The following CCDC178 variants were observed in gnomAD, a reference collection of about 807,000 sequenced individuals.
The protein encoded by CCDC178 is coiled-coil domain-containing protein 178.
CCDC178 carries 126 observed loss-of-function variants against 117.4 expected under a neutral mutation model. The observed-to-expected ratio is 1.07, with a 90% CI of 0.93 to 1.24. The LOEUF is 1.24. Among genes scored for constraint, CCDC178 ranks in the 50% most tolerant of loss-of-function variants. The probability of loss-of-function intolerance (pLI) is 0.00; values close to 1 mark genes in which losing one functional copy is unlikely to be tolerated. For missense variants in CCDC178, 1,030 were observed against 986.9 expected (o/e 1.04, Z -0.59); for synonymous variants, 283 against 313.4 (o/e 0.90, Z 1.02).
chr18:33,063,344 T>C (rs1415592348), intron 21 of CCDC178, among the ~76,000 whole-genome samples: 1 of 152,074 alleles, frequency 6.6e-6, no homozygotes, highest in Non-Finnish European at 1.5e-5. Context: ...ATGCATACCT[T>C]CCAGGGGACT....
intron 18 of CCDC178, among the ~76,000 whole-genome samples, chr18:33,216,021 A>G (rs1039811944): frequency 1.3e-5 from 2 of 151,926 alleles, no homozygotes; most frequent in African/African-American, 4.8e-5. Context: ...TCACTTTAGT[A>G]TAGGAGGTCA....
chr18:33,263,001 G>C (rs1282421686), intron 14 of CCDC178, among the ~76,000 whole-genome samples: 1 of 151,988 alleles, frequency 6.6e-6, no homozygotes, highest in Non-Finnish European at 1.5e-5. Flanking sequence ...TTTCTTCCTT[G>C]GAAACACACA....
intron 11 of CCDC178, among the ~76,000 whole-genome samples, chr18:33,311,469 C>T (rs1181115121): frequency 6.6e-6 from 1 of 152,206 alleles, no homozygotes; most frequent in Non-Finnish European, 1.5e-5. Flanking sequence ...CTGGATAACT[C>T]ACAGGATACC....
intron 22 of CCDC178, among the ~76,000 whole-genome samples, chr18:32,939,706 A>C (rs1157805013): frequency 6.6e-6 from 1 of 152,152 alleles, no homozygotes; most frequent in East Asian, 1.9e-4. Flanking sequence ...TTATTTTGTG[A>C]TCAGCACTAA....
At chr18:33,055,224 G>A (rs182806574) in intron 21 of CCDC178, among the ~76,000 whole-genome samples, 4 of 152,084 alleles carry the variant, frequency 2.6e-5, no homozygotes, top group South Asian at 2.1e-4. Context: ...CAGGTTGTCT[G>A]TTCACTCTGA....
At chr18:33,051,291 ACT>A (rs773763214) in intron 21 of CCDC178, among the ~76,000 whole-genome samples, 6 of 152,108 alleles carry the variant, frequency 3.9e-5, no homozygotes, top group Non-Finnish European at 8.8e-5. Context: ...AAGTATCAAC[ACT>A]AGATAAAAAT....
intron 21 of CCDC178, among the ~76,000 whole-genome samples, chr18:33,073,829 T>C (rs1033923962): frequency 6.6e-6 from 1 of 151,994 alleles, no homozygotes; most frequent in Non-Finnish European, 1.5e-5. Flanking sequence ...GCAAAGAAAA[T>C]ACATAGGTGG....
At chr18:33,074,541 C>A (rs79588962) in intron 21 of CCDC178, among the ~76,000 whole-genome samples, 2 of 152,184 alleles carry the variant, frequency 1.3e-5, no homozygotes, top group Non-Finnish European at 2.9e-5. Context: ...AGGGATTTCA[C>A]CATGGAGCCC....
chr18:33,119,441 T>C (rs1486851082), intron 20 of CCDC178, among the ~76,000 whole-genome samples: 1 of 152,076 alleles, frequency 6.6e-6, no homozygotes, highest in East Asian at 1.9e-4. Flanking sequence ...AAAATGCTCA[T>C]CATCACTGGC....
At position 33,384,893 on chromosome 18, in the gene CCDC178, C is replaced by T. The variant is rs116467752; in HGVS notation, c.208+4647G>A. 9.5e-3 allele frequency among the ~76,000 whole-genome samples: 1,439 copies of T among 152,142 alleles called. 22 individuals are homozygous for T. The highest frequency in any genetic ancestry group is 0.033 in the African/African-American group (1,370 of 41,490). The stretch of plus-strand genomic sequence containing the variant: ...TAACCTTAAATATAAATAGCCTAAA[C>T]GCCCCAATTAAAAAACACAGAATGG... On this transcript the variant is annotated intron_variant, in intron 5 of 22. Transcript: ENST00000383096.
chr18:32,981,911 T>C (rs1443290655), intron 21 of CCDC178, among the ~76,000 whole-genome samples: 1 of 152,206 alleles, frequency 6.6e-6, no homozygotes, highest in Non-Finnish European at 1.5e-5. Flanking sequence ...GATTGCCATA[T>C]GTAAAATATT....
At chr18:33,216,508 T>G (rs1466327601) in intron 18 of CCDC178, among the ~76,000 whole-genome samples, 2 of 152,054 alleles carry the variant, frequency 1.3e-5, no homozygotes, top group Non-Finnish European at 2.9e-5. Flanking sequence ...ACATTCAGCA[T>G]GGCTGCTAAT....
chr18:33,281,989 T>TG (rs2144827934), intron 12 of CCDC178, among the ~76,000 whole-genome samples: 1 of 152,264 alleles, frequency 6.6e-6, no homozygotes, highest in African/African-American at 2.4e-5. Flanking sequence ...ACAGCTCCCA[T>TG]GGAGGCACTG....
chr18:33,422,700 C>T (rs925277599), intron 2 of CCDC178, among the ~76,000 whole-genome samples: 1 of 152,078 alleles, frequency 6.6e-6, no homozygotes, highest in African/African-American at 2.4e-5. Context: ...CTGGACAGCA[C>T]AAATCTATGC....
chr18:32,979,301 G>A (rs983560221), intron 21 of CCDC178, among the ~76,000 whole-genome samples: 2 of 151,558 alleles, frequency 1.3e-5, no homozygotes, highest in Non-Finnish European at 2.9e-5. Context: ...GATTACAGGC[G>A]ACCCCTGCCC....
At chr18:33,388,680 C>T (rs1271858246) in intron 5 of CCDC178, among the ~76,000 whole-genome samples, 5 of 149,966 alleles carry the variant, frequency 3.3e-5, no homozygotes, top group South Asian at 4.3e-4. Context: ...CCACTACGCC[C>T]GGCTAATTTT....
chr18:33,273,052 T>A (rs937355691), intron 12 of CCDC178, among the ~76,000 whole-genome samples: 55 of 149,484 alleles, frequency 3.7e-4, no homozygotes, highest in South Asian at 1.3e-3. Flanking sequence ...AAAAAAAAAA[T>A]AAAAATAAAA....
At chr18:33,110,504 T>C (rs547212266) in intron 20 of CCDC178, among the ~76,000 whole-genome samples, 2 of 151,742 alleles carry the variant, frequency 1.3e-5, no homozygotes, top group South Asian at 2.1e-4. Context: ...CACAGGTTTT[T>C]CCCTAAAAGC....
intron 12 of CCDC178, among the ~76,000 whole-genome samples, chr18:33,269,340 A>G (rs1030196009): frequency 6.6e-6 from 1 of 151,846 alleles, no homozygotes. Flanking sequence ...TAAAGCTCCA[A>G]CATAACTCCT....
Sources: allele counts gnomAD v4.1 joint callset (sites outside exome capture counted in the v4.1 genomes callset), GRCh38; gene constraint gnomAD v4.1.1; transcripts MANE v1.5; gene names NCBI Gene and HGNC (gene_info 2026-07-23, HGNC 2026-07-21).